The following TENM3 variants were observed in gnomAD, a reference collection of about 807,000 sequenced individuals.
TENM3 encodes the protein teneurin transmembrane protein 3.
Under a neutral mutation model 255.1 loss-of-function variants are expected in TENM3, and 63 were observed. That is an observed-to-expected ratio of 0.25 (90% confidence interval 0.20 to 0.30). TENM3 has a LOEUF of 0.30. Ranked by LOEUF, TENM3 falls within the 10% of genes least tolerant of loss-of-function variation. The pLI is 1.00. For synonymous variants in TENM3, 1,306 were observed against 1,322.3 expected, an observed-to-expected ratio of 0.99 and a Z score of 0.27; for missense variants, 2,929 against 3,461.1, an observed-to-expected ratio of 0.85 and a Z score of 3.86.
the TENM3 span, chr4:181,830,056 C>A: frequency 6.6e-6 from 1 of 152,180 alleles, no homozygotes; most frequent in African/African-American, 2.4e-5. Context: ...GAGAAAAGCA[C>A]ACTAGTAATT....
intron 6 of TENM3, among the ~76,000 whole-genome samples, chr4:182,664,416 C>A (rs1200505681): frequency 6.6e-6 from 1 of 152,206 alleles, no homozygotes; most frequent in Non-Finnish European, 1.5e-5. Flanking sequence ...TCCCCACCAT[C>A]TTTCTCTTCT....
At chr4:182,368,863 GGA>G (rs1327127145) in intron 3 of TENM3, among the ~76,000 whole-genome samples, 1 of 152,174 alleles carries the variant, frequency 6.6e-6, no homozygotes, top group Non-Finnish European at 1.5e-5. Flanking sequence ...GCATCAGAGA[GGA>G]GAGAGTGTCT....
At chr4:181,502,889 A>G in the TENM3 span, among the ~76,000 whole-genome samples, 3 of 152,166 alleles carry the variant, frequency 2.0e-5, no homozygotes, top group Non-Finnish European at 4.4e-5. Context: ...AGAGTGAACA[A>G]ACAGCCTCAA....
At chr4:182,438,196 T>C (rs1476387581) in intron 3 of TENM3, among the ~76,000 whole-genome samples, 1 of 152,166 alleles carries the variant, frequency 6.6e-6, no homozygotes, top group African/African-American at 2.4e-5. Flanking sequence ...GAGAAATTCT[T>C]GAAGGGTGAG....
rs779206903 is a variant in TENM3, at chr4:182,691,894, C to T, written c.2221+3543C>T. Among the ~76,000 whole-genome samples, 59 of 152,184 alleles carry T rather than the reference C, an allele frequency of 3.9e-4. No homozygotes were observed. In the Middle Eastern group the frequency reaches 0.01, roughly 27 times the overall value. On this transcript the variant is annotated intron_variant, in intron 12 of 27. Transcript: ENST00000511685. Reference sequence around the variant, plus strand: ...TAAAATGATTTAACAGTAATAGCACCGATATAGATGCTCCACTACAAAAAT... The same window carrying T: ...TAAAATGATTTAACAGTAATAGCACTGATATAGATGCTCCACTACAAAAAT...
chr4:182,059,756 AAAAAAAG>A, the TENM3 span, among the ~76,000 whole-genome samples: 89 of 128,914 alleles, frequency 6.9e-4, 4 homozygotes, highest in African/African-American at 3.8e-3. Context: ...AAAAAAAAAA[AAAAAAAG>A]AAAAAAAAAA....
At chr4:182,516,899 A>C (rs1738014838) in intron 3 of TENM3, among the ~76,000 whole-genome samples, 1 of 152,030 alleles carries the variant, frequency 6.6e-6, no homozygotes, top group Non-Finnish European at 1.5e-5. Context: ...TCAAAAAAAA[A>C]AAAAATGTAG....
chr4:181,756,770 A>G, the TENM3 span, among the ~76,000 whole-genome samples: 1 of 152,232 alleles, frequency 6.6e-6, no homozygotes, highest in Non-Finnish European at 1.5e-5. Flanking sequence ...AGTAAACTCC[A>G]GGTTATTCTC....
At chr4:182,554,262 C>T (rs757857869) in intron 3 of TENM3, among the ~76,000 whole-genome samples, 10 of 152,106 alleles carry the variant, frequency 6.6e-5, no homozygotes, top group Non-Finnish European at 1.2e-4. Flanking sequence ...TCTATTTGTA[C>T]TGTTCTTCTA....
chr4:182,144,726 G>A (rs1489845387), exon 1 of TENM3: 1 of 145,560 alleles, frequency 6.9e-6, no homozygotes, highest in African/African-American at 2.5e-5. Flanking sequence ...GCCGGGGAGC[G>A]AGCCGGCGGC....
chr4:182,244,888 A>AT (rs1269453952), intron 1 of TENM3, among the ~76,000 whole-genome samples: 1 of 152,182 alleles, frequency 6.6e-6, no homozygotes, highest in Non-Finnish European at 1.5e-5. Context: ...GCTTGATGTT[A>AT]TTTATGTTCT....
chr4:181,574,513 G>A, the TENM3 span, among the ~76,000 whole-genome samples: 1 of 151,466 alleles, frequency 6.6e-6, no homozygotes, highest in Non-Finnish European at 1.5e-5. Context: ...AGTCCGGCCT[G>A]GGCGACAGAG....
At chr4:181,942,546 C>T in the TENM3 span, among the ~76,000 whole-genome samples, 1 of 152,122 alleles carries the variant, frequency 6.6e-6, no homozygotes, top group Admixed American at 6.5e-5. Context: ...GGATGTGTAT[C>T]AGCCAAATAT....
At chr4:182,729,290 A>G (rs1579263807) in intron 14 of TENM3, 109 bp downstream of exon 14, 1 of 952,418 alleles carries the variant, frequency 1.0e-6, no homozygotes, top group East Asian at 2.5e-5. Flanking sequence ...TGTTTTTTAA[A>G]TACAGTTTTT....
the TENM3 span, among the ~76,000 whole-genome samples, chr4:181,619,380 A>G: frequency 6.6e-6 from 1 of 152,096 alleles, no homozygotes; most frequent in African/African-American, 2.4e-5. Context: ...AAAGGAAAAA[A>G]GTTCTTTATA....
chr4:182,243,208 G>A (rs1020044364), upstream of TENM3, among the ~76,000 whole-genome samples: 3 of 152,028 alleles, frequency 2.0e-5, no homozygotes, highest in Non-Finnish European at 2.9e-5. Flanking sequence ...TCCACCTCCC[G>A]GGTTCAAGCA....
At chr4:181,962,451 G>A in the TENM3 span, among the ~76,000 whole-genome samples, 2 of 152,162 alleles carry the variant, frequency 1.3e-5, no homozygotes, top group African/African-American at 2.4e-5. Context: ...AGCAGTTTTG[G>A]TATTGTTGTA....
At chr4:181,757,255 A>G in the TENM3 span, among the ~76,000 whole-genome samples, 3 of 152,170 alleles carry the variant, frequency 2.0e-5, no homozygotes, top group Non-Finnish European at 4.4e-5. Flanking sequence ...CACACCTTCC[A>G]ATATTGTAAT....
chr4:181,921,477 T>C, the TENM3 span, among the ~76,000 whole-genome samples: 1 of 152,214 alleles, frequency 6.6e-6, no homozygotes, highest in East Asian at 1.9e-4. Context: ...TTCCTAGGTA[T>C]TTTATTCTCT....
Sources: gnomAD v4.1 joint callset for allele counts (sites outside exome capture counted in the v4.1 genomes callset) on GRCh38, gnomAD v4.1.1 for gene constraint, MANE v1.5 for transcripts, NCBI Gene and HGNC (gene_info 2026-07-23, HGNC 2026-07-21) for gene names.